The following NRXN3 variants were observed in gnomAD, a reference collection of about 807,000 sequenced individuals.
The protein encoded by NRXN3 is neurexin III.
Under a neutral mutation model 137.6 loss-of-function variants are expected in NRXN3, and 32 were observed. That is an observed-to-expected ratio of 0.23 (90% confidence interval 0.18 to 0.31). NRXN3 has a LOEUF of 0.31. NRXN3 is among the 10% of genes least tolerant of loss of function. The pLI, the probability that NRXN3 is intolerant of heterozygous loss-of-function variation, is 1.00. For missense variants in NRXN3, 1,574 were observed against 2,062.5 expected (o/e 0.76, Z 4.59); for synonymous variants, 798 against 784.5 (o/e 1.02, Z -0.29).
At chr14:78,364,333 T>C (rs1439216352) in intron 4 of NRXN3, among the ~76,000 whole-genome samples, 1 of 152,158 alleles carries the variant, frequency 6.6e-6, no homozygotes, top group Non-Finnish European at 1.5e-5. Flanking sequence ...ACTGTATGCA[T>C]AGCTGGGAGG....
chr14:79,770,762 A>G (rs1237796769), intron 19 of NRXN3, among the ~76,000 whole-genome samples: 1 of 151,318 alleles, frequency 6.6e-6, no homozygotes, highest in Non-Finnish European at 1.5e-5. Context: ...GAAGGCAAGA[A>G]ATAACTAAAA....
At chr14:79,551,076 C>G (rs2097368496) in intron 16 of NRXN3, among the ~76,000 whole-genome samples, 1 of 152,206 alleles carries the variant, frequency 6.6e-6, no homozygotes, top group Non-Finnish European at 1.5e-5. Context: ...CGCTTGCATT[C>G]TGAGTCTTGC....
chr14:79,004,896 G>T (rs918151477), intron 15 of NRXN3, among the ~76,000 whole-genome samples: 4 of 151,988 alleles, frequency 2.6e-5, no homozygotes, highest in African/African-American at 9.7e-5. Flanking sequence ...AGCATTTATT[G>T]ACCTTCAGGA....
chr14:79,265,835 C>T (rs2078386465), intron 15 of NRXN3, among the ~76,000 whole-genome samples: 1 of 152,146 alleles, frequency 6.6e-6, no homozygotes, highest in Admixed American at 6.5e-5. Context: ...GGGCTTCTGC[C>T]CTCCCATCTC....
intron 8 of NRXN3, among the ~76,000 whole-genome samples, chr14:78,751,714 G>C (rs549733801): frequency 1.3e-5 from 2 of 152,122 alleles, no homozygotes; most frequent in East Asian, 1.9e-4. Flanking sequence ...GGGACGGAAG[G>C]GGGAAGGAGT....
intron 4 of NRXN3, among the ~76,000 whole-genome samples, chr14:78,554,456 G>T (rs777647709): frequency 1.3e-5 from 2 of 152,126 alleles, no homozygotes; most frequent in Non-Finnish European, 2.9e-5. Context: ...AACAGGCTTC[G>T]TGGGGACCAA....
chr14:78,759,367 A>T (rs2098683042), intron 8 of NRXN3, among the ~76,000 whole-genome samples: 1 of 152,226 alleles, frequency 6.6e-6, no homozygotes, highest in Non-Finnish European at 1.5e-5. Context: ...ATGTCCAACA[A>T]TACTAGAAGG....
intron 15 of NRXN3, among the ~76,000 whole-genome samples, chr14:79,024,587 T>G (rs1442792336): frequency 6.6e-6 from 1 of 152,072 alleles, no homozygotes; most frequent in Non-Finnish European, 1.5e-5. Flanking sequence ...TTTAGAGCAT[T>G]TAGGAGTTCA....
chr14:78,443,035 G>A (rs1598736244), intron 4 of NRXN3, among the ~76,000 whole-genome samples: 1 of 152,240 alleles, frequency 6.6e-6, no homozygotes, highest in East Asian at 1.9e-4. Flanking sequence ...GATGTGGTTG[G>A]GCCAACGCTA....
intron 19 of NRXN3, among the ~76,000 whole-genome samples, chr14:79,730,188 G>T (rs1004868269): frequency 6.6e-6 from 1 of 152,040 alleles, no homozygotes; most frequent in African/African-American, 2.4e-5. Flanking sequence ...TTTTGACAAG[G>T]TGCCAAAAAT....
chr14:79,514,307 C>A, intron 16 of NRXN3, among the ~76,000 whole-genome samples: 1 of 151,578 alleles, frequency 6.6e-6, no homozygotes, highest in Middle Eastern at 3.4e-3. Flanking sequence ...GAGTTCAGTA[C>A]TGGCCTAAAA....
chr14:78,300,611 GTCTC>G, intron 4 of NRXN3: 1 of 1,200,670 alleles, frequency 8.3e-7, no homozygotes, highest in Non-Finnish European at 1.2e-6. Flanking sequence ...CTCTCTCTCT[GTCTC>G]TCTCTGGCCG....
At chr14:78,717,657 C>A (rs1366102884) in intron 8 of NRXN3, among the ~76,000 whole-genome samples, 1 of 152,066 alleles carries the variant, frequency 6.6e-6, no homozygotes, top group Non-Finnish European at 1.5e-5. Flanking sequence ...TTTTGAGTAT[C>A]TTTTGTTCAT....
At position 79,866,375 on chromosome 14, in the gene NRXN3, T is replaced by C. The variant is rs1367472079; in HGVS notation, c.*4411T>C. 3 of 152,130 alleles carry C rather than the reference T, an allele frequency of 2.0e-5. No individual in the cohort carries two copies. The highest frequency in any genetic ancestry group is 7.2e-5 in the African/African-American group (3 of 41,420). 9.4% of individuals were successfully genotyped at this position (152,130 alleles called of 1,614,324 possible). On this transcript the variant is annotated 3_prime_UTR_variant, in exon 21 of 21. Coordinates refer to ENST00000335750, the MANE Select transcript of NRXN3 (RefSeq NM_001330195.2). Reference sequence around the variant, plus strand: ...TGAATGCAAATAAGCTATCAAAAAGTACAAACTAAGTTGGGAGCTTAGAAG... The same window carrying C: ...TGAATGCAAATAAGCTATCAAAAAGCACAAACTAAGTTGGGAGCTTAGAAG...
intron 15 of NRXN3, among the ~76,000 whole-genome samples, chr14:79,379,779 C>A (rs2094411901): frequency 6.6e-6 from 1 of 152,130 alleles, no homozygotes; most frequent in Non-Finnish European, 1.5e-5. Context: ...TTCCCCCACT[C>A]TAATTCTCCT....
chr14:78,986,892 G>A (rs948525038), intron 14 of NRXN3, among the ~76,000 whole-genome samples: 9 of 151,616 alleles, frequency 5.9e-5, no homozygotes, highest in Non-Finnish European at 7.4e-5. Context: ...GTGTAGTGGC[G>A]TGTGCCTGTA....
intron 4 of NRXN3, among the ~76,000 whole-genome samples, chr14:78,581,724 G>T (rs191808922): frequency 6.6e-6 from 1 of 152,322 alleles, no homozygotes; most frequent in Admixed American, 6.5e-5. Flanking sequence ...TAAGACTGCA[G>T]TGATTTTATG....
At chr14:79,754,500 CTT>C (rs1264301436) in intron 19 of NRXN3, among the ~76,000 whole-genome samples, 2 of 103,666 alleles carry the variant, frequency 1.9e-5, no homozygotes, top group Non-Finnish European at 3.9e-5. Context: ...CTCACTCTCT[CTT>C]GATATATATA....
intron 10 of NRXN3, among the ~76,000 whole-genome samples, chr14:78,900,726 T>C (rs916010873): frequency 3.3e-5 from 5 of 152,028 alleles, no homozygotes; most frequent in Admixed American, 3.3e-4. Context: ...GTCCTCAAGT[T>C]TGGATTAGTC....
Sources: gnomAD v4.1 joint callset for allele counts (sites outside exome capture counted in the v4.1 genomes callset) on GRCh38, gnomAD v4.1.1 for gene constraint, MANE v1.5 for transcripts, NCBI Gene and HGNC (gene_info 2026-07-23, HGNC 2026-07-21) for gene names.